Variants in METTL16 observed in about 807,000 individuals in gnomAD.
METTL16 encodes the protein RNA N(6)-adenosine-methyltransferase METTL16.
A neutral mutation model predicts 57.9 loss-of-function variants in METTL16; 19 were observed. That is an observed-to-expected ratio of 0.33 (90% CI 0.23 to 0.48). The LOEUF (loss-of-function observed/expected upper bound fraction) is 0.48, where lower values mean the gene tolerates loss of function less well. METTL16 is among the 20% of genes least tolerant of loss of function. METTL16 has a pLI of 0.99. For missense variants in METTL16, 434 were observed against 691.5 expected (o/e 0.63, Z 4.18); for synonymous variants, 246 against 255.6 (o/e 0.96, Z 0.36).
intron 6 of METTL16, among the ~76,000 whole-genome samples, chr17:2,444,798 C>A (rs1040646272): frequency 3.3e-5 from 5 of 151,040 alleles, no homozygotes; most frequent in African/African-American, 1.2e-4. Context: ...ACTGCAAACT[C>A]TGCCTCCCGG....
At chr17:2,467,955 T>C (rs2067213526) in intron 4 of METTL16, 79 bp from the exon 5 acceptor site, 3 of 953,468 alleles carry the variant, frequency 3.1e-6, no homozygotes, top group Non-Finnish European at 5.1e-6. Context: ...GCGTAATGAT[T>C]CTTTGGTCAA....
intron 1 of METTL16, among the ~76,000 whole-genome samples, chr17:2,506,748 T>A (rs1293191727): frequency 1.3e-5 from 2 of 150,228 alleles, no homozygotes; most frequent in African/African-American, 5.0e-5. Context: ...TGGCCGCCCA[T>A]CATCTGGGAT....
chr17:2,476,303 A>C lies in METTL16; in HGVS notation c.328+1383T>G, dbSNP rs564393629. Among the ~76,000 whole-genome samples, 35 of 152,324 alleles carry C rather than the reference A, an allele frequency of 2.3e-4. No homozygotes were observed. The South Asian group carries it at 7.1e-3, about 31-fold the overall frequency. On this transcript the variant is annotated intron_variant, in intron 3 of 9. Coordinates refer to ENST00000263092, the MANE Select transcript of METTL16 (RefSeq NM_024086.4). ...GTAATCTGAGTTGGAGGAACATATA[A>C]ATATGTGATTTATTTGCATGGAGTT...
chr17:2,489,960 T>C (rs369300850), intron 2 of METTL16, among the ~76,000 whole-genome samples: 1 of 152,164 alleles, frequency 6.6e-6, no homozygotes, highest in Non-Finnish European at 1.5e-5. Flanking sequence ...ATACAGTTAT[T>C]ACAAAGAATA....
At chr17:2,476,435 T>C (rs1425684149) in intron 3 of METTL16, among the ~76,000 whole-genome samples, 1 of 152,044 alleles carries the variant, frequency 6.6e-6, no homozygotes, top group East Asian at 1.9e-4. Context: ...AGTGGTCAGC[T>C]ACAGGAAGGT....
chr17:2,462,062 T>C (rs1464127648), intron 6 of METTL16, among the ~76,000 whole-genome samples: 3 of 152,196 alleles, frequency 2.0e-5, no homozygotes, highest in African/African-American at 2.4e-5. Flanking sequence ...CACAGCATTA[T>C]TCACAATAGC....
chr17:2,449,470 C>T (rs2067052392), intron 6 of METTL16, among the ~76,000 whole-genome samples: 3 of 151,966 alleles, frequency 2.0e-5, no homozygotes, highest in South Asian at 2.1e-4. Flanking sequence ...AGCCTCCCAA[C>T]GTGCTGGGAT....
chr17:2,453,219 C>A (rs1258276798), intron 6 of METTL16, among the ~76,000 whole-genome samples: 1 of 152,152 alleles, frequency 6.6e-6, no homozygotes, highest in African/African-American at 2.4e-5. Context: ...TAAAACTTAA[C>A]ACTCATTCAA....
At chr17:2,433,532 T>C (rs1019957689) in intron 8 of METTL16, among the ~76,000 whole-genome samples, 18 of 152,138 alleles carry the variant, frequency 1.2e-4, no homozygotes, top group Non-Finnish European at 2.6e-4. Context: ...AGGAACAACA[T>C]AGGGCCGTGG....
chr17:2,427,607 G>A (rs971554038), intron 8 of METTL16, among the ~76,000 whole-genome samples: 11 of 152,024 alleles, frequency 7.2e-5, no homozygotes. Flanking sequence ...TTTTTGGCAT[G>A]GGATTCTTTT....
chr17:2,495,585 G>C (rs6502295), intron 2 of METTL16, among the ~76,000 whole-genome samples: 130,452 of 149,974 alleles, frequency 0.87, 57,196 homozygotes, highest in Non-Finnish European at 0.93. Context: ...ATCCCAGCTA[G>C]CCAGGAGGCT....
intron 8 of METTL16, among the ~76,000 whole-genome samples, chr17:2,437,711 A>G (rs1374967672): frequency 6.6e-6 from 1 of 152,022 alleles, no homozygotes; most frequent in Non-Finnish European, 1.5e-5. Context: ...CACCACGCCC[A>G]GCTAATTTTT....
intron 4 of METTL16, among the ~76,000 whole-genome samples, chr17:2,472,578 A>G (rs949515364): frequency 6.6e-6 from 1 of 152,188 alleles, no homozygotes; most frequent in African/African-American, 2.4e-5. Context: ...ACTCTGGTAC[A>G]CCCAGATAAT....
At chr17:2,450,524 A>G (rs2067060791) in intron 6 of METTL16, among the ~76,000 whole-genome samples, 1 of 152,208 alleles carries the variant, frequency 6.6e-6, no homozygotes, top group Admixed American at 6.5e-5. Flanking sequence ...AACTCATCCA[A>G]CTGCACACTT....
At chr17:2,447,044 C>T (rs1482394019) in intron 6 of METTL16, among the ~76,000 whole-genome samples, 2 of 149,146 alleles carry the variant, frequency 1.3e-5, no homozygotes, top group Non-Finnish European at 3.0e-5. Flanking sequence ...GGCCACCCAT[C>T]GTCTGGGATA....
chr17:2,419,875 C>A lies in METTL16; in HGVS notation c.*95G>T. ...TTTTCGAAGATAATTCCACATCGTG[C>A]TACTAATGGGCCGCTGGTAGGATTC... On this transcript the variant is annotated 3_prime_UTR_variant, in exon 10 of 10. Transcript: ENST00000263092. 1 of 1,429,440 alleles carries A rather than the reference C, an allele frequency of 7.0e-7. No individual in the cohort carries two copies. The highest frequency in any genetic ancestry group is 9.7e-7 in the Non-Finnish European group (1 of 1,030,822). The allele number at this position is 1,429,440 out of a possible 1,614,324, so 88.5% of individuals were successfully genotyped here. A position where few individuals can be genotyped will look rare whatever the true frequency, so the allele number is the denominator to read the frequency against.
chr17:2,463,518 G>A (rs1272755852), intron 6 of METTL16, among the ~76,000 whole-genome samples: 4 of 152,112 alleles, frequency 2.6e-5, no homozygotes, highest in Admixed American at 1.3e-4. Flanking sequence ...CTGGAGCGCA[G>A]TGGCATGATC....
Position 2,464,230 on chromosome 17 carries a change from G to A in METTL16, c.706C>T (p.Leu236=), listed in dbSNP as rs765395415. 1 of 1,612,750 alleles carries A rather than the reference G, an allele frequency of 6.2e-7. No individual in the cohort carries two copies. The highest frequency in any genetic ancestry group is 8.5e-7 in the Non-Finnish European group (1 of 1,179,612). The change falls in exon 6 of 10, where the codon CTA becomes TTA. Residue 236 remains leucine (L), a synonymous_variant. Coordinates refer to ENST00000263092, the MANE Select transcript of METTL16 (RefSeq NM_024086.4). Reference sequence around the variant, plus strand: ...TACCTTAATCTTTTTTTAAGTTGTAGACTGTCATGGATGATCCTTTTAACA... The same window carrying A: ...TACCTTAATCTTTTTTTAAGTTGTAAACTGTCATGGATGATCCTTTTAACA... ...EFVKRIIHDS[L]QLKKRLRWYS...
At chr17:2,427,554 G>A (rs1220229764) in intron 8 of METTL16, among the ~76,000 whole-genome samples, 2 of 152,156 alleles carry the variant, frequency 1.3e-5, no homozygotes, top group Non-Finnish European at 2.9e-5. Flanking sequence ...GGGGCATATT[G>A]TGAGATAAAG....
Sources: gnomAD v4.1 joint callset for allele counts (sites outside exome capture counted in the v4.1 genomes callset) on GRCh38, gnomAD v4.1.1 for gene constraint, MANE v1.5 for transcripts, NCBI Gene and HGNC (gene_info 2026-07-23, HGNC 2026-07-21) for gene names.